Variants in TAC3 observed in about 807,000 individuals in gnomAD.
The protein encoded by TAC3 is tachykinin precursor 3, also known as tachykinin-3.
A neutral mutation model predicts 16.5 loss-of-function variants in TAC3; 9 were observed. The ratio of observed to expected loss-of-function variants is 0.55; its 90% confidence interval spans 0.33 to 0.95. TAC3 has a LOEUF of 0.95. Ranked by LOEUF, TAC3 falls within the 40% of genes least tolerant of loss-of-function variation. TAC3 has a pLI of 0.03. For synonymous variants in TAC3, 52 were observed against 56.7 expected, an observed-to-expected ratio of 0.92 and a Z score of 0.37; for missense variants, 129 against 149.1, an observed-to-expected ratio of 0.87 and a Z score of 0.70.
At chr12:57,015,354 G>A (rs1260588974) in intron 2 of TAC3, among the ~76,000 whole-genome samples, 1 of 152,118 alleles carries the variant, frequency 6.6e-6, no homozygotes, top group African/African-American at 2.4e-5. Context: ...AGGGACCTGA[G>A]GTAGACTATA....
intron 1 of TAC3, 101 bp downstream of exon 1, chr12:57,016,286 C>G (rs1956373481): frequency 1.1e-5 from 4 of 362,014 alleles, no homozygotes; most frequent in Non-Finnish European, 2.2e-5. Flanking sequence ...CAGTCCCCTG[C>G]TCCCCTATCA....
At chr12:57,013,231 G>T in intron 4 of TAC3, 128 bp downstream of exon 4, 1 of 1,224,908 alleles carries the variant, frequency 8.2e-7, no homozygotes, top group Non-Finnish European at 1.2e-6. Context: ...AAGGTTGGCT[G>T]AGCAGTGGGA....
rs368503451 is a variant in TAC3, at chr12:57,010,209, T to A, written c.*81A>T. ...TTACAAGAACAGGGAAGAGAAAGGG[T>A]AACAGGAGCGTGCGCACCTGGGGAT... On this transcript the variant is annotated 3_prime_UTR_variant, in exon 7 of 7. Transcript: ENST00000458521. The A allele has an allele frequency of 8.4e-5, 38 of 453,868 alleles. No individual in the cohort carries two copies. Among genetic ancestry groups the A allele is most frequent in the African/African-American group, 7.0e-4 (35 of 49,986 alleles). 28.1% of individuals were successfully genotyped at this position (453,868 alleles called of 1,614,324 possible).
intron 1 of TAC3, 107 bp from the exon 2 acceptor site, chr12:57,015,909 T>G: frequency 1.1e-6 from 1 of 910,646 alleles, no homozygotes; most frequent in African/African-American, 1.6e-5. Flanking sequence ...TTGACCCTGC[T>G]TCCCCAGCCC....
At chr12:57,013,238 G>A in intron 4 of TAC3, 121 bp downstream of exon 4, 1 of 1,286,558 alleles carries the variant, frequency 7.8e-7, no homozygotes, top group Non-Finnish European at 1.1e-6. Flanking sequence ...GCTGAGCAGT[G>A]GGAGCTGGCA....
chr12:57,015,799 G>A lies in TAC3; in HGVS notation c.-2C>T, dbSNP rs928762197. On this transcript the variant is annotated 5_prime_UTR_variant, in exon 2 of 7. Transcript: ENST00000458521. ...TGTGAATAGCAGCATGATCCTCATG[G>A]TGCCTGGGAGAGCAAAGGGACAGGA... is the stretch of plus-strand genomic sequence containing the variant. 17 of 1,612,134 alleles carry A rather than the reference G, an allele frequency of 1.1e-5. No homozygotes were observed. The highest frequency in any genetic ancestry group is 1.4e-5 in the Non-Finnish European group (16 of 1,178,274).
intron 5 of TAC3, 48 bp from the exon 6 acceptor site, chr12:57,012,500 AACTAC>A (rs757360652): frequency 6.2e-7 from 1 of 1,610,808 alleles, no homozygotes; most frequent in Non-Finnish European, 8.5e-7. Flanking sequence ...TCTGAATGTG[AACTAC>A]ACCCTGATCC....
chr12:57,015,862 T>G, intron 1 of TAC3, 60 bp from the exon 2 acceptor site: 1 of 1,429,598 alleles, frequency 7.0e-7, no homozygotes, highest in African/African-American at 1.4e-5. Flanking sequence ...ACAGCATGGG[T>G]GAAGACACAA....
chr12:57,016,310 G>T, intron 1 of TAC3, 77 bp downstream of exon 1: 1 of 378,720 alleles, frequency 2.6e-6, no homozygotes, highest in South Asian at 1.9e-5. Context: ...GCTGCCATCT[G>T]CTTTATTCCC....
In TAC3 at chr12:57,015,816, G is replaced by A; in HGVS notation, c.-5-14C>T. 6.2e-7 allele frequency: 1 copy of A among 1,603,570 alleles called. No homozygotes were observed. Among genetic ancestry groups the A allele is most frequent in the Non-Finnish European group, 8.5e-7 (1 of 1,170,700 alleles). On this transcript the variant is annotated splice_polypyrimidine_tract_variant and intron_variant, in intron 1 of 6. Transcript: ENST00000458521. ...TCCTCATGGTGCCTGGGAGAGCAAA[G>A]GGACAGGACTCAGGTAAAGGAGAGA...
At chr12:57,011,910 C>T (rs1363562322) in intron 6 of TAC3, among the ~76,000 whole-genome samples, 1 of 152,184 alleles carries the variant, frequency 6.6e-6, no homozygotes, top group East Asian at 1.9e-4. Context: ...CTGAATCATC[C>T]TTGTGTATGA....
At position 57,015,744 on chromosome 12, in the gene TAC3, G is replaced by T. The variant is rs781077094; in HGVS notation, c.54C>A (p.Ser18Arg). The stretch of plus-strand genomic sequence containing the variant: ...GTGGCTCCTTACAGACAGCCCCAAA[G>T]CTCTGAGCTAGGCTGAAGGCCAGGA... ...TAILAFSLAQ[S>R]FGAVCKEPQE... The change falls in exon 2 of 7, where the codon AGC (serine) becomes AGA (arginine). Residue 18 changes from serine (S) to arginine (R), a missense_variant. By Grantham distance (110) the Ser-to-Arg change is moderately radical. Coordinates refer to ENST00000458521, the MANE Select transcript of TAC3 (RefSeq NM_013251.4). 33 of 1,614,154 alleles carry T rather than the reference G, an allele frequency of 2.0e-5. 1 individual carries two copies. The Middle Eastern group carries it at 5.0e-4, about 24-fold the overall frequency.
At chr12:57,015,489 C>A (rs531302574) in intron 2 of TAC3, among the ~76,000 whole-genome samples, 195 bp downstream of exon 2, 50 of 152,296 alleles carry the variant, frequency 3.3e-4, no homozygotes, top group African/African-American at 1.2e-3. Context: ...CAAAGACATG[C>A]AGAGATACAG....
intron 3 of TAC3, 60 bp downstream of exon 3, chr12:57,013,518 A>C: frequency 6.3e-7 from 1 of 1,595,364 alleles, no homozygotes; most frequent in African/African-American, 1.3e-5. Context: ...AGGATCTCCC[A>C]GGCCTCTTAT....
chr12:57,012,189 G>A, intron 6 of TAC3, 189 bp downstream of exon 6: 1 of 610,380 alleles, frequency 1.6e-6, no homozygotes, highest in Non-Finnish European at 3.0e-6. Context: ...TGAAAGACGG[G>A]GGATGTGTAC....
At chr12:57,015,314 C>A (rs1282801507) in intron 2 of TAC3, among the ~76,000 whole-genome samples, 1 of 152,042 alleles carries the variant, frequency 6.6e-6, no homozygotes, top group East Asian at 1.9e-4. Context: ...TCATACCATC[C>A]AGGAAATAGA....
intron 6 of TAC3, among the ~76,000 whole-genome samples, chr12:57,010,489 C>G (rs1397751519): frequency 6.6e-6 from 1 of 152,214 alleles, no homozygotes; most frequent in African/African-American, 2.4e-5. Flanking sequence ...GCCGCAGGTA[C>G]TTGCACCTTC....
chr12:57,012,717 A>G (rs1311618760), intron 5 of TAC3, 105 bp downstream of exon 5: 1 of 1,613,454 alleles, frequency 6.2e-7, no homozygotes, highest in Non-Finnish European at 8.5e-7. Flanking sequence ...ACTGAAGGTA[A>G]GAAAGGTCCT....
At chr12:57,016,185 A>G (rs981060531) in intron 1 of TAC3, among the ~76,000 whole-genome samples, 5 of 152,144 alleles carry the variant, frequency 3.3e-5, no homozygotes, top group Non-Finnish European at 7.3e-5. Flanking sequence ...ACTTAGGCAA[A>G]AACTTTCTGG....
Sources: gnomAD v4.1 joint callset for allele counts (sites outside exome capture counted in the v4.1 genomes callset) on GRCh38, gnomAD v4.1.1 for gene constraint, MANE v1.5 for transcripts, NCBI Gene and HGNC (gene_info 2026-07-23, HGNC 2026-07-21) for gene names.